Variants in LRRC63 observed in about 807,000 individuals in gnomAD.
The protein encoded by LRRC63 is leucine rich repeat containing 63.
Under a neutral mutation model 49.5 loss-of-function variants are expected in LRRC63, and 40 were observed. The ratio of observed to expected loss-of-function variants is 0.81; its 90% CI spans 0.63 to 1.05. LRRC63 has a LOEUF of 1.05. Ranked by LOEUF, LRRC63 falls within the 50% of genes least tolerant of loss-of-function variation. The pLI is 0.00. For missense variants in LRRC63, 636 were observed against 663.1 expected, an observed-to-expected ratio of 0.96 and a Z score of 0.45; for synonymous variants, 191 against 221.1, an observed-to-expected ratio of 0.86 and a Z score of 1.21.
intron 4 of LRRC63, among the ~76,000 whole-genome samples, chr13:46,232,879 T>C (rs187831730): frequency 3.0e-4 from 46 of 152,306 alleles, no homozygotes; most frequent in Admixed American, 2.4e-3. Context: ...AAAGAGGTCA[T>C]TGGAGAATTT....
chr13:46,271,796 G>T (rs1190283549), intron 9 of LRRC63, among the ~76,000 whole-genome samples: 1 of 150,506 alleles, frequency 6.6e-6, no homozygotes, highest in Admixed American at 6.6e-5. Flanking sequence ...CAAATAAAAG[G>T]ACTATAAAAC....
At chr13:46,240,340 G>A (rs965597668) in intron 5 of LRRC63, among the ~76,000 whole-genome samples, 1 of 151,906 alleles carries the variant, frequency 6.6e-6, no homozygotes, top group Non-Finnish European at 1.5e-5. Flanking sequence ...TGTTAGCCAG[G>A]ATGGTCTCTA....
chr13:46,266,517 G>A (rs1025336724), intron 8 of LRRC63, among the ~76,000 whole-genome samples: 5 of 151,982 alleles, frequency 3.3e-5, no homozygotes, highest in Admixed American at 2.0e-4. Flanking sequence ...TACTTAAACC[G>A]TGCTATTCAC....
At chr13:46,250,244 A>G in intron 6 of LRRC63, 111 bp from the exon 7 acceptor site, 1 of 956,226 alleles carries the variant, frequency 1.0e-6, no homozygotes, top group Non-Finnish European at 1.5e-6. Flanking sequence ...TAGCCAATTA[A>G]TGTTGCTATA....
At chr13:46,240,670 C>T (rs2047036507) in intron 5 of LRRC63, among the ~76,000 whole-genome samples, 1 of 152,180 alleles carries the variant, frequency 6.6e-6, no homozygotes, top group African/African-American at 2.4e-5. Flanking sequence ...AAATCACAGA[C>T]ATTCTTATAC....
At chr13:46,236,128 A>C (rs180673501) in intron 5 of LRRC63, among the ~76,000 whole-genome samples, 2 of 152,232 alleles carry the variant, frequency 1.3e-5, no homozygotes, top group East Asian at 3.9e-4. Context: ...GAAGAACAGA[A>C]AGAAAAAAAA....
chr13:46,227,587 C>T (rs1236202073), exon 3 of LRRC63: 1 of 1,549,332 alleles, frequency 6.5e-7, no homozygotes, highest in South Asian at 1.2e-5. Flanking sequence ...ATGGATAGAA[C>T]TCGTTTTCCT....
chr13:46,224,520 C>T (rs898379827), intron 2 of LRRC63, among the ~76,000 whole-genome samples: 1 of 152,102 alleles, frequency 6.6e-6, no homozygotes, highest in Non-Finnish European at 1.5e-5. Context: ...TCTAACTGAG[C>T]TTCTTTAAAA....
chr13:46,240,456 A>G (rs1434622141), intron 5 of LRRC63, among the ~76,000 whole-genome samples: 1 of 152,010 alleles, frequency 6.6e-6, no homozygotes, highest in Non-Finnish European at 1.5e-5. Flanking sequence ...ACTCCTATTC[A>G]ACAAAGTATT....
intron 5 of LRRC63, among the ~76,000 whole-genome samples, chr13:46,240,909 C>A (rs1023780441): frequency 6.6e-6 from 1 of 152,114 alleles, no homozygotes; most frequent in African/African-American, 2.4e-5. Context: ...GCCATACTGA[C>A]GAAAGCGATT....
intron 5 of LRRC63, among the ~76,000 whole-genome samples, chr13:46,239,812 T>G (rs960419814): frequency 1.3e-5 from 2 of 152,226 alleles, no homozygotes; most frequent in African/African-American, 4.8e-5. Flanking sequence ...CATGATCAAG[T>G]AGACTTTATC....
intron 7 of LRRC63, among the ~76,000 whole-genome samples, chr13:46,253,992 C>T (rs982778409): frequency 3.9e-5 from 6 of 152,170 alleles, no homozygotes; most frequent in Admixed American, 2.6e-4. Context: ...ATTATAAAGA[C>T]TGAGGAAAAG....
intron 7 of LRRC63, among the ~76,000 whole-genome samples, chr13:46,252,544 C>G (rs897813437): frequency 6.6e-6 from 1 of 151,932 alleles, no homozygotes; most frequent in Non-Finnish European, 1.5e-5. Flanking sequence ...GGAAGGCAGA[C>G]AATTCAATAC....
chr13:46,227,237 A>G (rs924184731), intron 2 of LRRC63, among the ~76,000 whole-genome samples: 4 of 152,182 alleles, frequency 2.6e-5, no homozygotes, highest in Non-Finnish European at 4.4e-5. Flanking sequence ...TGGAGCTTAT[A>G]TCTCCCCTTC....
chr13:46,273,731 GC>G (rs2047792222), intron 9 of LRRC63, among the ~76,000 whole-genome samples: 1 of 151,810 alleles, frequency 6.6e-6, no homozygotes, highest in Non-Finnish European at 1.5e-5. Context: ...GGCCAACATG[GC>G]AAAACCCAGT....
At chr13:46,228,038 A>C in exon 3 of LRRC63, 1 of 1,551,090 alleles carries the variant, frequency 6.4e-7, no homozygotes. Context: ...CAAGCCCTCC[A>C]CCTATGACTG....
At chr13:46,213,472 C>G (rs1293985720) in intron 2 of LRRC63, among the ~76,000 whole-genome samples, 1 of 152,198 alleles carries the variant, frequency 6.6e-6, no homozygotes, top group Non-Finnish European at 1.5e-5. Flanking sequence ...TGTTTCAGCT[C>G]TCATATTGTA....
chr13:46,236,445 A>T (rs1381187546), intron 5 of LRRC63, among the ~76,000 whole-genome samples: 1 of 152,176 alleles, frequency 6.6e-6, no homozygotes, highest in Non-Finnish European at 1.5e-5. Context: ...TTTGTCATGT[A>T]CAAGGGCTCT....
intron 4 of LRRC63, among the ~76,000 whole-genome samples, chr13:46,230,576 T>A (rs1374243777): frequency 6.6e-6 from 1 of 152,146 alleles, no homozygotes; most frequent in Non-Finnish European, 1.5e-5. Flanking sequence ...CCGAAGAACT[T>A]GGAGTCTGAT....
Sources: allele counts gnomAD v4.1 joint callset (sites outside exome capture counted in the v4.1 genomes callset), GRCh38; gene constraint gnomAD v4.1.1; transcripts MANE v1.5; gene names NCBI Gene and HGNC (gene_info 2026-07-23, HGNC 2026-07-21).